The following LGALS13 variants were observed in gnomAD, a reference collection of about 807,000 sequenced individuals.
LGALS13 encodes galactoside-binding soluble lectin 13.
A neutral mutation model predicts 13.2 loss-of-function variants in LGALS13; 11 were observed. The observed-to-expected ratio is 0.83, with a 90% confidence interval of 0.52 to 1.38. The LOEUF is 1.38. Among genes scored for constraint, LGALS13 ranks in the 40% most tolerant of loss-of-function variants. The probability of loss-of-function intolerance (pLI) is 0.00; values close to 1 mark genes in which losing one functional copy is unlikely to be tolerated. For synonymous variants in LGALS13, 71 were observed against 63.7 expected (o/e 1.11, Z -0.54); for missense variants, 183 against 174.3 (o/e 1.05, Z -0.28).
At chr19:39,603,176 T>C (rs1405824582) in intron 1 of LGALS13, among the ~76,000 whole-genome samples, 1 of 152,110 alleles carries the variant, frequency 6.6e-6, no homozygotes, top group Non-Finnish European at 1.5e-5. Flanking sequence ...TTGGGGATTG[T>C]GAGTTACCAA....
chr19:39,606,951 C>T (rs1252462897), intron 3 of LGALS13, among the ~76,000 whole-genome samples: 3 of 152,098 alleles, frequency 2.0e-5, no homozygotes, highest in Admixed American at 6.5e-5. Context: ...TGGGGATCTT[C>T]CAGGTTAGAA....
At chr19:39,602,895 T>TAAAG (rs1972623675) in intron 1 of LGALS13, among the ~76,000 whole-genome samples, 1 of 151,568 alleles carries the variant, frequency 6.6e-6, no homozygotes, top group African/African-American at 2.4e-5. Context: ...GAATGGAGAG[T>TAAAG]AAAGGGGTGA....
chr19:39,604,071 TC>T (rs2144828167), intron 1 of LGALS13: 1 of 709,546 alleles, frequency 1.4e-6, no homozygotes, highest in South Asian at 6.3e-5. Context: ...CATTTCCCTC[TC>T]CCTTTCAACA....
chr19:39,606,530 C>A (rs1215536729), intron 3 of LGALS13, among the ~76,000 whole-genome samples: 1 of 152,160 alleles, frequency 6.6e-6, no homozygotes, highest in East Asian at 1.9e-4. Context: ...AAAATGTGTG[C>A]ATTTTAAATT....
rs758739700 is a variant in LGALS13, at chr19:39,605,318, CAG to C, written c.235_236del (p.Asp79LeufsTer5). 37 of 1,614,206 alleles carry C rather than the reference CAG, an allele frequency of 2.3e-5. 1 individual carries two copies. The African/African-American group carries it at 3.1e-4, about 13-fold the overall frequency. ...GGGATATGGATGTTGGAGGAGACAACAGACTACGTGCCCTTTGAGGATGGCAA... is the reference window on the plus strand; with the variant it reads ...GGGATATGGATGTTGGAGGAGACAACACTACGTGCCCTTTGAGGATGGCAA... On this transcript the variant is annotated frameshift_variant, in exon 3 of 4. Transcript: ENST00000221797. LOFTEE classifies it high-confidence loss of function.
At chr19:39,602,719 AAC>A in intron 1 of LGALS13, 136 bp downstream of exon 1, 1 of 868,342 alleles carries the variant, frequency 1.2e-6, no homozygotes, top group Non-Finnish European at 1.9e-6. Context: ...GTGGAATAGA[AAC>A]CCTGAGGCTA....
In LGALS13 at chr19:39,602,911, CTT is replaced by C. The variant is rs200448969; in HGVS notation, c.15+330_15+331del. 7.6e-3 allele frequency among the ~76,000 whole-genome samples: 1,161 copies of C among 152,200 alleles called. 16 individuals are homozygous for C. Among genetic ancestry groups the C allele is most frequent in the African/African-American group, 0.026 (1,077 of 41,520 alleles). The stretch of plus-strand genomic sequence containing the variant: ...AATGGAGAGTAAAGGGGTGAGTCGG[CTT>C]TGTTTCCTGTCTATGATGTGAGTAT... On this transcript the variant is annotated intron_variant, in intron 1 of 3. Transcript: ENST00000221797.
At chr19:39,606,335 T>C (rs1015107709) in intron 3 of LGALS13, among the ~76,000 whole-genome samples, 2 of 152,240 alleles carry the variant, frequency 1.3e-5, no homozygotes, top group Non-Finnish European at 2.9e-5. Context: ...GATTGCATAA[T>C]ATTGTGTTAA....
intron 1 of LGALS13, 31 bp downstream of exon 1, chr19:39,602,614 T>A: frequency 1.2e-6 from 2 of 1,611,814 alleles, no homozygotes; most frequent in African/African-American, 1.3e-5. Context: ...CTTCAAAAAT[T>A]TCGTGTCACA....
At chr19:39,606,583 A>G (rs1453393034) in intron 3 of LGALS13, among the ~76,000 whole-genome samples, 5 of 152,226 alleles carry the variant, frequency 3.3e-5, no homozygotes, top group Non-Finnish European at 7.3e-5. Context: ...TATAGCCTCA[A>G]TATAAAGAAT....
At chr19:39,607,023 T>C (rs1156605796) in intron 3 of LGALS13, among the ~76,000 whole-genome samples, 200 bp from the exon 4 acceptor site, 1 of 152,044 alleles carries the variant, frequency 6.6e-6, no homozygotes, top group Non-Finnish European at 1.5e-5. Context: ...GAGGAATGAG[T>C]GGAAACATTA....
chr19:39,607,157 G>A, intron 3 of LGALS13, 66 bp from the exon 4 acceptor site: 1 of 1,036,514 alleles, frequency 9.6e-7, no homozygotes, highest in African/African-American at 1.6e-5. Flanking sequence ...CCAGGACAGA[G>A]TGGAGAGGAG....
intron 3 of LGALS13, among the ~76,000 whole-genome samples, chr19:39,607,016 GAAT>G (rs2144831818): frequency 6.6e-6 from 1 of 152,282 alleles, no homozygotes; most frequent in South Asian, 2.1e-4. Flanking sequence ...TTCGCTAGAG[GAAT>G]GAGTGGAAAC....
intron 2 of LGALS13, 141 bp downstream of exon 2, chr19:39,604,819 C>T (rs1431871213): frequency 5.0e-6 from 5 of 997,112 alleles, no homozygotes; most frequent in East Asian, 2.4e-5. Context: ...GGAGACCCTC[C>T]AGCACCAGGC....
intron 1 of LGALS13, chr19:39,603,883 T>C (rs575673256): frequency 1.1e-6 from 1 of 930,672 alleles, no homozygotes; most frequent in Admixed American, 6.2e-5. Flanking sequence ...CATCTACTTG[T>C]AGTCATCATA....
chr19:39,607,369 G>T lies in LGALS13; in HGVS notation c.*30G>T. On this transcript the variant is annotated 3_prime_UTR_variant, in exon 4 of 4. Coordinates refer to ENST00000221797, the MANE Select transcript of LGALS13 (RefSeq NM_013268.3). ...GATGATCACACTCCTCATTGTTGAG[G>T]AATCCCTCTTTCTACCTGACCATGG... is the stretch of plus-strand genomic sequence containing the variant. The T allele has an allele frequency of 7.0e-7, 1 of 1,425,488 alleles. No individual in the cohort carries two copies. The highest frequency in any genetic ancestry group is 1.1e-5 in the South Asian group (1 of 87,306). 88.3% of individuals were successfully genotyped at this position (1,425,488 alleles called of 1,614,324 possible). A position where few individuals can be genotyped will look rare whatever the true frequency, so the allele number is the denominator to read the frequency against.
chr19:39,604,032 CCA>C, intron 1 of LGALS13: 1 of 952,218 alleles, frequency 1.1e-6, no homozygotes, highest in Non-Finnish European at 1.3e-6. Context: ...CATGTGCATC[CCA>C]CACACAGGGG....
In LGALS13 at chr19:39,605,251, G is replaced by C; in HGVS notation, c.166G>C (p.Val56Leu). 6.2e-7 allele frequency: 1 copy of C among 1,614,228 alleles called. No homozygotes were observed. Among genetic ancestry groups the C allele is most frequent in the Non-Finnish European group, 8.5e-7 (1 of 1,180,034 alleles). ...TTCAGATATTGCCTTCCGTTTCCGA[G>C]TGCACTTTGGCAATCATGTGGTCAT... ...EDSDIAFRFRVHFGNHVVMNR... is the reference protein window; with the variant it reads ...EDSDIAFRFRLHFGNHVVMNR... Residue 56 changes from valine (V) to leucine (L), a missense_variant, in exon 3 of 4, where the codon GTG (valine) becomes CTG (leucine). Coordinates refer to ENST00000221797, the MANE Select transcript of LGALS13 (RefSeq NM_013268.3).
At chr19:39,604,555 A>ACTGCAC (rs1325960756) in intron 1 of LGALS13, 47 bp from the exon 2 acceptor site, 1 of 1,600,138 alleles carries the variant, frequency 6.2e-7, no homozygotes, top group Non-Finnish European at 8.6e-7. Context: ...AGGAGGGGAG[A>ACTGCAC]CTGCACCTGA....
Sources: gnomAD v4.1 joint callset for allele counts (sites outside exome capture counted in the v4.1 genomes callset) on GRCh38, gnomAD v4.1.1 for gene constraint, MANE v1.5 for transcripts, NCBI Gene and HGNC (gene_info 2026-07-23, HGNC 2026-07-21) for gene names.